TRUB1: variants seen among roughly 807,000 people sequenced by gnomAD.
TRUB1 encodes the protein TruB pseudouridine synthase family member 1, also known as pseudouridylate synthase TRUB1.
Under a neutral mutation model 33.9 loss-of-function variants are expected in TRUB1, and 23 were observed. That is an observed-to-expected ratio of 0.68 (90% CI 0.49 to 0.96). The LOEUF is 0.96. Among genes scored for constraint, TRUB1 ranks in the 40% least tolerant of loss-of-function variants. The pLI, the probability that TRUB1 is intolerant of heterozygous loss-of-function variation, is 0.00. For synonymous variants in TRUB1, 163 were observed against 165.4 expected, an observed-to-expected ratio of 0.99 and a Z score of 0.11; for missense variants, 378 against 422.2, an observed-to-expected ratio of 0.90 and a Z score of 0.92.
At chr10:114,953,313 C>G (rs2084245575) in intron 3 of TRUB1, among the ~76,000 whole-genome samples, 1 of 152,082 alleles carries the variant, frequency 6.6e-6, no homozygotes, top group Admixed American at 6.6e-5. Flanking sequence ...TTACAGAAAC[C>G]TAGTTCTTAG....
At chr10:114,961,212 A>C (rs1402799276) in intron 4 of TRUB1, among the ~76,000 whole-genome samples, 1 of 152,126 alleles carries the variant, frequency 6.6e-6, no homozygotes, top group Non-Finnish European at 1.5e-5. Context: ...TCTCATAGAC[A>C]AGTCATGAGG....
chr10:114,969,486 G>A (rs1025418138), intron 4 of TRUB1: 1 of 151,492 alleles, frequency 6.6e-6, no homozygotes, highest in Non-Finnish European at 1.5e-5. Flanking sequence ...TCACTAATTT[G>A]CATGTCACCC....
At chr10:114,944,229 A>G (rs1335208795) in intron 2 of TRUB1, among the ~76,000 whole-genome samples, 3 of 152,044 alleles carry the variant, frequency 2.0e-5, no homozygotes, top group Non-Finnish European at 2.9e-5. Flanking sequence ...GGTATTTTAT[A>G]TTTTATTCAG....
At chr10:114,963,303 G>T (rs1199258547) in intron 4 of TRUB1, among the ~76,000 whole-genome samples, 1 of 152,182 alleles carries the variant, frequency 6.6e-6, no homozygotes, top group Non-Finnish European at 1.5e-5. Context: ...GACTGTATAT[G>T]GTTTGGCTGC....
At chr10:114,944,949 C>T (rs939882311) in intron 2 of TRUB1, among the ~76,000 whole-genome samples, 2 of 152,116 alleles carry the variant, frequency 1.3e-5, no homozygotes, top group Admixed American at 6.5e-5. Context: ...TGCACCACTG[C>T]ACCCCAAAAA....
At chr10:114,954,267 C>T (rs941597553) in intron 3 of TRUB1, among the ~76,000 whole-genome samples, 6 of 152,130 alleles carry the variant, frequency 3.9e-5, no homozygotes, top group Non-Finnish European at 7.4e-5. Flanking sequence ...GTTCTTGTTA[C>T]AGCCATATTA....
chr10:114,941,111 C>T (rs1454097088), intron 1 of TRUB1, among the ~76,000 whole-genome samples: 2 of 152,236 alleles, frequency 1.3e-5, no homozygotes, highest in Non-Finnish European at 2.9e-5. Context: ...GCTTTATTTT[C>T]TTTCTGCTCA....
At chr10:114,964,953 C>T (rs891277867) in intron 4 of TRUB1, among the ~76,000 whole-genome samples, 6 of 130,146 alleles carry the variant, frequency 4.6e-5, no homozygotes, top group African/African-American at 1.2e-4. Context: ...TTTTTTGAGA[C>T]GGAGTCTTGC....
chr10:114,940,368 G>A (rs572907700), intron 1 of TRUB1, among the ~76,000 whole-genome samples: 40 of 152,242 alleles, frequency 2.6e-4, no homozygotes, highest in Non-Finnish European at 2.6e-4. Context: ...TGATCTGCCC[G>A]CCTCAGCCTC....
chr10:114,958,919 T>C (rs1021243531), intron 3 of TRUB1, among the ~76,000 whole-genome samples: 1 of 151,694 alleles, frequency 6.6e-6, no homozygotes, highest in African/African-American at 2.4e-5. Flanking sequence ...GTGGATCACC[T>C]GAGGTCAGAA....
chr10:114,976,359 A>G lies in TRUB1; in HGVS notation c.*980A>G, dbSNP rs2084360232. ...TATTTAAAAACAGTTCTTCTCAAAC[A>G]TTTTCATTCAGATAGCTTTCTGAAA... On this transcript the variant is annotated 3_prime_UTR_variant, in exon 8 of 8. Coordinates refer to ENST00000298746, the MANE Select transcript of TRUB1 (RefSeq NM_139169.5). The G allele has an allele frequency of 6.6e-6, 1 of 152,146 alleles. No homozygotes were observed. The highest frequency in any genetic ancestry group is 2.4e-5 in the African/African-American group (1 of 41,436). The allele number at this position is 152,146 out of a possible 1,614,324, so 9.4% of individuals were successfully genotyped here.
intron 4 of TRUB1, among the ~76,000 whole-genome samples, chr10:114,962,439 GC>G (rs2143022527): frequency 6.6e-6 from 1 of 152,326 alleles, no homozygotes; most frequent in Non-Finnish European, 1.5e-5. Flanking sequence ...CTCTGAGCTA[GC>G]TTTCAGCTGT....
At chr10:114,959,895 T>C in intron 4 of TRUB1, 88 bp downstream of exon 4, 1 of 751,646 alleles carries the variant, frequency 1.3e-6, no homozygotes. Flanking sequence ...TCTCTGATAT[T>C]ATCAGCCATT....
chr10:114,949,447 C>T (rs1027950201), intron 2 of TRUB1, among the ~76,000 whole-genome samples: 1 of 152,106 alleles, frequency 6.6e-6, no homozygotes, highest in African/African-American at 2.4e-5. Context: ...AAGGACAATA[C>T]AGATGAGTGT....
intron 2 of TRUB1, among the ~76,000 whole-genome samples, chr10:114,948,135 GGGAGATAGAGTAGGA>G (rs1226286742): frequency 6.6e-6 from 1 of 152,170 alleles, no homozygotes; most frequent in East Asian, 1.9e-4. Flanking sequence ...CAGAACACTT[GGGAGATAGAGTAGGA>G]GAGTAGTAAT....
chr10:114,971,315 C>T (rs2084335774), intron 5 of TRUB1, among the ~76,000 whole-genome samples: 1 of 152,106 alleles, frequency 6.6e-6, no homozygotes, highest in South Asian at 2.1e-4. Flanking sequence ...GCCATATTTT[C>T]GTGCACATTA....
chr10:114,952,337 A>G (rs2084239611), intron 3 of TRUB1, among the ~76,000 whole-genome samples: 1 of 152,240 alleles, frequency 6.6e-6, no homozygotes, highest in African/African-American at 2.4e-5. Context: ...GCTACTCGGT[A>G]GACTGAGGCA....
chr10:114,960,816 A>G (rs2143022046), intron 4 of TRUB1, among the ~76,000 whole-genome samples: 1 of 152,250 alleles, frequency 6.6e-6, no homozygotes, highest in Middle Eastern at 3.4e-3. Context: ...AGACTTTAAG[A>G]TTAAGGAGGC....
intron 3 of TRUB1, among the ~76,000 whole-genome samples, chr10:114,951,721 G>A (rs996011146): frequency 6.6e-6 from 1 of 152,100 alleles, no homozygotes; most frequent in African/African-American, 2.4e-5. Context: ...CTGGTAGAAG[G>A]GGTCTCTTCC....
Sources: allele counts gnomAD v4.1 joint callset (sites outside exome capture counted in the v4.1 genomes callset), GRCh38; gene constraint gnomAD v4.1.1; transcripts MANE v1.5; gene names NCBI Gene and HGNC (gene_info 2026-07-23, HGNC 2026-07-21).